RNF10: variants seen among roughly 807,000 people sequenced by gnomAD.
RNF10 encodes the protein ring finger protein 10, also known as E3 ubiquitin-protein ligase RNF10.
RNF10 carries 38 observed loss-of-function variants against 91.4 expected under a neutral mutation model. That is an observed-to-expected ratio of 0.42 (90% confidence interval 0.32 to 0.54). The LOEUF (loss-of-function observed/expected upper bound fraction) is 0.54, where lower values mean the gene tolerates loss of function less well. Among genes scored for constraint, RNF10 ranks in the 20% least tolerant of loss-of-function variants. The pLI is 0.16. For missense variants in RNF10, 945 were observed against 1,012.0 expected, an observed-to-expected ratio of 0.93 and a Z score of 0.90; for synonymous variants, 364 against 366.3, an observed-to-expected ratio of 0.99 and a Z score of 0.07.
At chr12:120,575,430 C>CA in intron 14 of RNF10, 2 of 601,926 alleles carry the variant, frequency 3.3e-6, no homozygotes, top group Non-Finnish European at 5.9e-6. Context: ...GGTTTACTAC[C>CA]TTGTGGGTTT....
At chr12:120,571,874 G>C (rs892014282) in intron 14 of RNF10, among the ~76,000 whole-genome samples, 6 of 152,072 alleles carry the variant, frequency 3.9e-5, no homozygotes, top group African/African-American at 1.4e-4. Context: ...CTTGGAGCTG[G>C]GTGGGGGAAC....
At position 120,577,267 on chromosome 12, in the gene RNF10, A is replaced by C; in HGVS notation, c.*601A>C. On this transcript the variant is annotated 3_prime_UTR_variant, in exon 17 of 17. Coordinates refer to ENST00000325954, the MANE Select transcript of RNF10 (RefSeq NM_014868.5). ...CCTTGGCACTTGCATGTGTGAAAGG[A>C]GGGTTTTGCCTCTTCTTGAGCATGG... The C allele has an allele frequency of 4.6e-6, 2 of 430,182 alleles. No individual in the cohort carries two copies. Among genetic ancestry groups the C allele is most frequent in the Non-Finnish European group, 9.2e-6 (2 of 218,414 alleles). 26.6% of individuals were successfully genotyped at this position (430,182 alleles called of 1,614,324 possible).
intron 13 of RNF10, among the ~76,000 whole-genome samples, chr12:120,569,438 T>G (rs1876261438): frequency 6.6e-6 from 1 of 152,066 alleles, no homozygotes; most frequent in African/African-American, 2.4e-5. Flanking sequence ...AGAACCTGGT[T>G]CTTGAGGACT....
chr12:120,576,669 C>T lies in RNF10; in HGVS notation c.*3C>T, dbSNP rs1877435523. On this transcript the variant is annotated 3_prime_UTR_variant, in exon 17 of 17. Transcript: ENST00000325954. Reference sequence around the variant, plus strand: ...CCTCAGTCGTCCACACCAAGTGACACTACTGGCCCAGGCTACCTTCTCCAT... The same window carrying T: ...CCTCAGTCGTCCACACCAAGTGACATTACTGGCCCAGGCTACCTTCTCCAT... The T allele has an allele frequency of 6.2e-7, 1 of 1,609,692 alleles. No individual in the cohort carries two copies. The highest frequency in any genetic ancestry group is 8.5e-7 in the Non-Finnish European group (1 of 1,178,714).
chr12:120,563,255 C>A, intron 8 of RNF10, 92 bp from the exon 9 acceptor site: 1 of 1,499,932 alleles, frequency 6.7e-7, no homozygotes, highest in Non-Finnish European at 9.1e-7. Context: ...AGATAAACAT[C>A]TAGGGAGCTT....
chr12:120,552,395 G>C, intron 2 of RNF10, 104 bp from the exon 3 acceptor site: 1 of 923,914 alleles, frequency 1.1e-6, no homozygotes, highest in Non-Finnish European at 1.6e-6. Flanking sequence ...GTAAGACTCC[G>C]TCTCAAAAAA....
intron 12 of RNF10, among the ~76,000 whole-genome samples, chr12:120,565,963 A>C (rs1875629680): frequency 1.3e-5 from 2 of 152,236 alleles, no homozygotes; most frequent in Admixed American, 1.3e-4. Flanking sequence ...GATTTAAGAG[A>C]TCTTTCGTAG....
At chr12:120,574,340 C>A in intron 14 of RNF10, 2 of 416,082 alleles carry the variant, frequency 4.8e-6, no homozygotes, top group Admixed American at 2.7e-5. Flanking sequence ...ATGTTCTCTG[C>A]CTTTTAAGTG....
chr12:120,551,726 T>A (rs1429903251), intron 2 of RNF10, among the ~76,000 whole-genome samples: 2 of 152,098 alleles, frequency 1.3e-5, no homozygotes, highest in African/African-American at 4.8e-5. Context: ...CTTGAATTCC[T>A]GGGCTCAAGT....
chr12:120,545,339 G>T (rs927667812), intron 1 of RNF10, among the ~76,000 whole-genome samples: 7 of 145,940 alleles, frequency 4.8e-5, no homozygotes, highest in African/African-American at 1.5e-4. Context: ...CCGCCACCAT[G>T]CCCGGCTAAT....
intron 2 of RNF10, among the ~76,000 whole-genome samples, chr12:120,548,390 G>A (rs1472427840): frequency 1.3e-5 from 2 of 152,146 alleles, no homozygotes; most frequent in African/African-American, 4.8e-5. Context: ...TAAGAAACCA[G>A]CAGAAGAGAG....
chr12:120,546,513 G>A lies in RNF10; in HGVS notation c.266G>A (p.Ser89Asn), dbSNP rs1232729565. The A allele has an allele frequency of 1.2e-6, 2 of 1,614,064 alleles. No individual in the cohort carries two copies. Among genetic ancestry groups the A allele is most frequent in the African/African-American group, 1.3e-5 (1 of 74,928 alleles). Residue 89 changes from serine to asparagine, a missense_variant, in exon 2 of 17, where the codon AGC becomes AAC. By Grantham distance (46) the Ser-to-Asn change is conservative. Transcript: ENST00000325954. Reference protein sequence around the residue: ...NQSRRSSSQKSKTFNKMPPQR... With the variant: ...NQSRRSSSQKNKTFNKMPPQR... ...TCCCGTCGCTCCAGTTCACAGAAAA[G>A]CAAGACTTTTAACAAGATGCCTCCT...
chr12:120,575,938 G>T lies in RNF10; in HGVS notation c.2347G>T (p.Asp783Tyr). Residue 783 changes from aspartate (D) to tyrosine (Y), a missense_variant, in exon 16 of 17, where the codon GAT becomes TAT. Transcript: ENST00000325954. ...GAAACTGGACACACCAGCTACTTCA[G>T]ATCCCCTCTCTGGTAAGGGCAGAGG... ...FMKLDTPATSDPLSEEKGGKK... is the reference protein window; with the variant it reads ...FMKLDTPATSYPLSEEKGGKK... 1 of 1,613,684 alleles carries T rather than the reference G, an allele frequency of 6.2e-7. No individual in the cohort carries two copies. Among genetic ancestry groups the T allele is most frequent in the Non-Finnish European group, 8.5e-7 (1 of 1,180,032 alleles).
chr12:120,575,914 A>C lies in RNF10; in HGVS notation c.2323A>C (p.Lys775Gln). 1.2e-6 allele frequency: 2 copies of C among 1,614,072 alleles called. No homozygotes were observed. Among genetic ancestry groups the C allele is most frequent in the Non-Finnish European group, 1.7e-6 (2 of 1,180,010 alleles). ...CCAAGCTATTGAAGCAGCCTTCATG[A>C]AACTGGACACACCAGCTACTTCAGA... is the stretch of plus-strand genomic sequence containing the variant. Reference protein sequence around the residue: ...FSQAIEAAFMKLDTPATSDPL... With the variant: ...FSQAIEAAFMQLDTPATSDPL... The change falls in exon 16 of 17, where the codon AAA becomes CAA. Residue 775 changes from lysine to glutamine, a missense_variant. Lys to Gln is a moderately conservative substitution (Grantham distance 53). Coordinates refer to ENST00000325954, the MANE Select transcript of RNF10 (RefSeq NM_014868.5).
At chr12:120,576,320 A>G (rs1047361812) in intron 16 of RNF10, among the ~76,000 whole-genome samples, 2 of 152,226 alleles carry the variant, frequency 1.3e-5, no homozygotes, top group African/African-American at 2.4e-5. Context: ...ATGGCGTGCT[A>G]TGTGCCTAGC....
intron 1 of RNF10, 148 bp downstream of exon 1, chr12:120,535,116 TAC>T: frequency 1.1e-6 from 1 of 887,040 alleles, no homozygotes; most frequent in Middle Eastern, 3.5e-4. Flanking sequence ...CATTTGCAGT[TAC>T]ATTAATGAGC....
intron 16 of RNF10, 92 bp from the exon 17 acceptor site, chr12:120,576,498 A>G (rs1329446256): frequency 7.9e-6 from 12 of 1,515,040 alleles, no homozygotes; most frequent in Non-Finnish European, 1.1e-5. Flanking sequence ...CTCCACTCTT[A>G]GCTCCCACTC....
intron 13 of RNF10, 88 bp from the exon 14 acceptor site, chr12:120,571,103 A>G (rs1253171690): frequency 2.5e-6 from 2 of 785,408 alleles, no homozygotes; most frequent in East Asian, 5.2e-5. Context: ...GTAATTTTCC[A>G]GACCTGACTC....
rs1055655220 is a variant in RNF10 at position 120,534,869 on chromosome 12, G to A, written c.58G>A (p.Gly20Ser). The change falls in exon 1 of 17, where the codon GGC becomes AGC. Residue 20 changes from glycine (G) to serine (S), a missense_variant. Transcript: ENST00000325954. ...ATASDMDKNS[G>S]SNSSSASSGS... is the part of the protein sequence containing the mutation. ...CGCCTCCGACATGGACAAGAACAGCGGCTCCAACAGCTCCTCCGCCTCTTC... is the reference window on the plus strand; with the variant it reads ...CGCCTCCGACATGGACAAGAACAGCAGCTCCAACAGCTCCTCCGCCTCTTC... 3 of 1,608,174 alleles carry A rather than the reference G, an allele frequency of 1.9e-6. No individual in the cohort carries two copies. The African/African-American group carries it at 4.0e-5, about 21-fold the overall frequency.
Sources: gnomAD v4.1 joint callset for allele counts (sites outside exome capture counted in the v4.1 genomes callset) on GRCh38, gnomAD v4.1.1 for gene constraint, MANE v1.5 for transcripts, NCBI Gene and HGNC (gene_info 2026-07-23, HGNC 2026-07-21) for gene names.